Variants in DOCK1 observed in about 807,000 individuals in gnomAD.
DOCK1 encodes the protein dedicator of cytokinesis protein 1.
Under a neutral mutation model 262.7 loss-of-function variants are expected in DOCK1, and 138 were observed. The observed-to-expected ratio is 0.53, with a 90% CI of 0.46 to 0.61. The LOEUF is 0.61. Among genes scored for constraint, DOCK1 ranks in the 20% least tolerant of loss-of-function variants. The pLI is 0.00. For missense variants in DOCK1, 1,908 were observed against 2,370.7 expected (o/e 0.80, Z 4.05); for synonymous variants, 866 against 867.4 (o/e 1.00, Z 0.03).
chr10:127,232,598 C>G (rs112366964), intron 27 of DOCK1, among the ~76,000 whole-genome samples: 157 of 152,318 alleles, frequency 1.0e-3, no homozygotes, highest in Non-Finnish European at 1.7e-3. Context: ...GTTTCTGATT[C>G]TTTCGAACAA....
intron 31 of DOCK1, among the ~76,000 whole-genome samples, chr10:127,351,490 G>A (rs1162870219): frequency 6.6e-6 from 1 of 152,172 alleles, no homozygotes; most frequent in African/African-American, 2.4e-5. Flanking sequence ...CCTGTCCTGG[G>A]GGTGCGTGCT....
At chr10:126,986,606 AT>A (rs1164518040) in intron 4 of DOCK1, among the ~76,000 whole-genome samples, 1 of 152,188 alleles carries the variant, frequency 6.6e-6, no homozygotes, top group East Asian at 1.9e-4. Flanking sequence ...TAAATAGGTA[AT>A]GAGTTAAGAA....
intron 29 of DOCK1, among the ~76,000 whole-genome samples, chr10:127,320,955 A>G (rs1004140651): frequency 1.5e-4 from 22 of 151,534 alleles, no homozygotes; most frequent in African/African-American, 5.4e-4. Flanking sequence ...GCCAGACCAC[A>G]CAGAGTGGTC....
In DOCK1 at chr10:127,012,989, A is replaced by C. The variant is rs12416210; in HGVS notation, c.1201+615A>C. ...GTCACCTTCAGAACTTGACCGTCTC[A>C]CTCCCTGATCCATGCAGACTGCCCG... On this transcript the variant is annotated intron_variant, in intron 12 of 51. Transcript: ENST00000623213. The surrounding 1 kb of genome is among the most constrained non-coding windows in gnomAD (Gnocchi z 4.0). Among the ~76,000 whole-genome samples, 1 of 151,886 alleles carries C rather than the reference A, an allele frequency of 6.6e-6. No homozygotes were observed. Among genetic ancestry groups the C allele is most frequent in the South Asian group, 2.1e-4 (1 of 4,822 alleles).
At chr10:127,077,834 A>T (rs1447230882) in intron 23 of DOCK1, among the ~76,000 whole-genome samples, 1 of 151,900 alleles carries the variant, frequency 6.6e-6, no homozygotes, top group Non-Finnish European at 1.5e-5. Context: ...GCCTCCTCAG[A>T]GCAGGTTGGA....
chr10:127,334,749 G>A (rs2063123241), intron 29 of DOCK1, among the ~76,000 whole-genome samples: 1 of 152,172 alleles, frequency 6.6e-6, no homozygotes, highest in Admixed American at 6.5e-5. Context: ...ATTCCTGAAA[G>A]CATTTAATTC....
At chr10:127,394,925 A>G (rs918892631) in intron 38 of DOCK1, among the ~76,000 whole-genome samples, 1 of 152,172 alleles carries the variant, frequency 6.6e-6, no homozygotes, top group Non-Finnish European at 1.5e-5. Flanking sequence ...GGGTCTCCCT[A>G]TCCCACAGGT....
chr10:127,428,986 G>GTGCCGTGTGGATTGGGA (rs1282539391), intron 47 of DOCK1, among the ~76,000 whole-genome samples: 1 of 132,772 alleles, frequency 7.5e-6, no homozygotes, highest in Non-Finnish European at 1.7e-5. Context: ...GTGGATTGGG[G>GTGCCGTGTGGATTGGGA]TGCCGTGTGG....
chr10:126,935,355 A>G (rs1374674465), intron 1 of DOCK1, among the ~76,000 whole-genome samples: 1 of 152,212 alleles, frequency 6.6e-6, no homozygotes, highest in Non-Finnish European at 1.5e-5. Context: ...GTTGGAGATC[A>G]TAATTGCTCT....
chr10:127,190,219 T>G (rs2056617737), intron 27 of DOCK1, among the ~76,000 whole-genome samples: 1 of 152,216 alleles, frequency 6.6e-6, no homozygotes, highest in African/African-American at 2.4e-5. Context: ...TGAGGTTGAG[T>G]TTGGTGGTAA....
At chr10:127,220,396 T>C (rs2058381705) in intron 27 of DOCK1, among the ~76,000 whole-genome samples, 1 of 151,992 alleles carries the variant, frequency 6.6e-6, no homozygotes, top group Admixed American at 6.6e-5. Flanking sequence ...TGGGCAAGAA[T>C]GAACTGCACG....
At chr10:126,950,695 T>C (rs968981578) in intron 1 of DOCK1, among the ~76,000 whole-genome samples, 1 of 152,158 alleles carries the variant, frequency 6.6e-6, no homozygotes, top group East Asian at 1.9e-4. Context: ...CAGCATGCCC[T>C]CCTTCCTCCT....
At position 127,434,708 on chromosome 10, in the gene DOCK1, A is replaced by G. The variant is rs113325487; in HGVS notation, c.5060+1280A>G. Among the ~76,000 whole-genome samples, 599 of 147,674 alleles carry G rather than the reference A, an allele frequency of 4.1e-3. 5 individuals are homozygous for G. The highest frequency in any genetic ancestry group is 0.011 in the African/African-American group (425 of 39,694). ...TCCCTCTGTCGCCCAGGCTGAGTGC[A>G]GTGGCACGATCTCGGCTCACTGCAA... is the stretch of plus-strand genomic sequence containing the variant. On this transcript the variant is annotated intron_variant, in intron 48 of 51. Transcript: ENST00000623213.
intron 1 of DOCK1, among the ~76,000 whole-genome samples, chr10:126,933,374 T>G (rs2034325082): frequency 1.3e-5 from 2 of 152,186 alleles, no homozygotes; most frequent in Admixed American, 1.3e-4. Flanking sequence ...GATTTAACTT[T>G]TGCCACTGTC....
intron 18 of DOCK1, among the ~76,000 whole-genome samples, chr10:127,033,802 C>A (rs927027366): frequency 6.6e-5 from 10 of 152,096 alleles, no homozygotes; most frequent in African/African-American, 2.4e-4. Context: ...GCATGCGAGC[C>A]CTGGGTCAAA....
intron 1 of DOCK1, among the ~76,000 whole-genome samples, chr10:126,956,102 G>A (rs1043056799): frequency 1.9e-4 from 29 of 152,178 alleles, no homozygotes; most frequent in Non-Finnish European, 5.9e-5. Flanking sequence ...CCGCGTCTCT[G>A]CAGCCGGCGC....
chr10:127,124,907 A>G (rs1225781116), intron 25 of DOCK1, among the ~76,000 whole-genome samples: 9 of 152,138 alleles, frequency 5.9e-5, no homozygotes, highest in African/African-American at 2.2e-4. Context: ...AAATTCATTA[A>G]AAAACCCGTG....
intron 23 of DOCK1, among the ~76,000 whole-genome samples, chr10:127,093,107 C>G (rs1416624234): frequency 3.9e-5 from 6 of 151,926 alleles, no homozygotes; most frequent in Admixed American, 3.3e-4. Flanking sequence ...TGGCAGTCCT[C>G]GATGTGCTGT....
intron 32 of DOCK1, among the ~76,000 whole-genome samples, chr10:127,359,071 T>C (rs2064284837): frequency 6.6e-6 from 1 of 152,166 alleles, no homozygotes; most frequent in Non-Finnish European, 1.5e-5. Flanking sequence ...TTGGTCCTCA[T>C]TGGTTCCAAA....
Sources: allele counts gnomAD v4.1 joint callset (sites outside exome capture counted in the v4.1 genomes callset), GRCh38; gene constraint gnomAD v4.1.1; non-coding constraint Gnocchi (gnomAD v3.1); transcripts MANE v1.5; gene names NCBI Gene and HGNC (gene_info 2026-07-23, HGNC 2026-07-21).